PCDHA6: variants seen among roughly 807,000 people sequenced by gnomAD.
The protein encoded by PCDHA6 is protocadherin alpha 6.
In PCDHA6, 55 loss-of-function variants were observed where a neutral mutation model predicts 60.3. That is an observed-to-expected ratio of 0.91 (90% CI 0.73 to 1.14). The LOEUF is 1.14. Ranked by LOEUF, PCDHA6 falls within the 50% of genes most tolerant of loss-of-function variation. The pLI, the probability that PCDHA6 is intolerant of heterozygous loss-of-function variation, is 0.00. For synonymous variants in PCDHA6, 652 were observed against 557.9 expected, an observed-to-expected ratio of 1.17 and a Z score of -2.38; for missense variants, 1,327 against 1,256.5, an observed-to-expected ratio of 1.06 and a Z score of -0.85.
intron 3 of PCDHA6, among the ~76,000 whole-genome samples, chr5:140,984,251 T>C (rs1164028325): frequency 6.6e-6 from 1 of 152,210 alleles, no homozygotes; most frequent in Non-Finnish European, 1.5e-5. Flanking sequence ...GTCGACCTGG[T>C]AAGCCACAAA....
intron 1 of PCDHA6, among the ~76,000 whole-genome samples, chr5:140,924,235 G>C (rs1320085802): frequency 6.6e-6 from 1 of 152,208 alleles, no homozygotes; most frequent in Non-Finnish European, 1.5e-5. Flanking sequence ...TTTATGGGCT[G>C]TTTTGCATCC....
chr5:140,830,373 G>C lies in PCDHA6; in HGVS notation c.2282G>C (p.Gly761Ala), dbSNP rs2150185640. 2 of 1,614,144 alleles carry C rather than the reference G, an allele frequency of 1.2e-6. No homozygotes were observed. Among genetic ancestry groups the C allele is most frequent in the South Asian group, 2.2e-5 (2 of 91,090 alleles). ...SQQRRQRVCS[G>A]EGPPKMDLMA... ...CAGAGGCGGCAGAGGGTGTGCTCCG[G>C]GGAGGGCCCACCCAAGATGGATCTC... Residue 761 changes from glycine (G) to alanine (A), a missense_variant, in exon 1 of 4, where the codon GGG (glycine) becomes GCG (alanine). Coordinates refer to ENST00000529310, the MANE Select transcript of PCDHA6 (RefSeq NM_018909.4).
At chr5:140,973,628 T>G (rs1005772685) in intron 1 of PCDHA6, among the ~76,000 whole-genome samples, 13 of 152,250 alleles carry the variant, frequency 8.5e-5, no homozygotes, top group Admixed American at 2.6e-4. Context: ...TTCTGTATCT[T>G]GTACACATTC....
rs2150323482 is a variant in PCDHA6 at position 140,841,819 on chromosome 5, C to A, written c.2394+11334C>A. Reference sequence around the variant, plus strand: ...CCGATGCAGATGTTGGAGCTAACTCCGTGTTAACCTACAGGCTTAGCTCTC... The same window carrying A: ...CCGATGCAGATGTTGGAGCTAACTCAGTGTTAACCTACAGGCTTAGCTCTC... On this transcript the variant is annotated intron_variant, in intron 1 of 3. Transcript: ENST00000529310. The A allele has an allele frequency of 3.1e-6, 5 of 1,613,874 alleles. No individual in the cohort carries two copies. The South Asian group carries it at 5.5e-5, about 18-fold the overall frequency.
chr5:140,950,323 A>G (rs1400315467), intron 1 of PCDHA6, among the ~76,000 whole-genome samples: 1 of 152,046 alleles, frequency 6.6e-6, no homozygotes, highest in Non-Finnish European at 1.5e-5. Context: ...TAATGCATAT[A>G]TGCTGCAGTG....
chr5:141,000,737 G>A (rs1449947824), intron 3 of PCDHA6, among the ~76,000 whole-genome samples: 21 of 149,738 alleles, frequency 1.4e-4, no homozygotes, highest in African/African-American at 5.0e-4. Context: ...CCCTATCTCT[G>A]TATATTAAAA....
At chr5:140,922,391 G>T (rs1354789717) in intron 1 of PCDHA6, among the ~76,000 whole-genome samples, 1 of 152,182 alleles carries the variant, frequency 6.6e-6, no homozygotes, top group Non-Finnish European at 1.5e-5. Context: ...AAGACTCCTT[G>T]TTTTGGATTA....
chr5:140,889,679 C>A (rs968181758), intron 1 of PCDHA6, among the ~76,000 whole-genome samples: 4 of 152,026 alleles, frequency 2.6e-5, no homozygotes, highest in Admixed American at 6.6e-5. Flanking sequence ...TTATTTTAAA[C>A]CTTTTAGTAT....
intron 3 of PCDHA6, among the ~76,000 whole-genome samples, chr5:140,992,330 C>A (rs1240004004): frequency 6.6e-6 from 1 of 152,070 alleles, no homozygotes. Context: ...TTTCTAAGAG[C>A]AAAGATGGAA....
At position 140,829,299 on chromosome 5, in the gene PCDHA6, A is replaced by C. The variant is rs17844301; in HGVS notation, c.1208A>C (p.Asn403Thr). 8.3e-4 allele frequency: 1,346 copies of C among 1,614,200 alleles called. 23 individuals carry two copies. In the East Asian group the frequency reaches 0.024, roughly 28 times the overall value. Residue 403 changes from asparagine (N) to threonine (T), a missense_variant, in exon 1 of 4, where the codon AAT becomes ACT. Transcript: ENST00000529310. ...VPFKLVSTFK[N>T]YYSLVLDSAL... Reference sequence around the variant, plus strand: ...TTCAAGCTGGTGTCCACCTTCAAGAATTACTACTCGTTGGTGCTGGACAGT... The same window carrying C: ...TTCAAGCTGGTGTCCACCTTCAAGACTTACTACTCGTTGGTGCTGGACAGT...
chr5:140,909,462 C>T (rs2074519059), intron 1 of PCDHA6, among the ~76,000 whole-genome samples: 1 of 152,212 alleles, frequency 6.6e-6, no homozygotes, highest in Non-Finnish European at 1.5e-5. Flanking sequence ...ATCCATCTGT[C>T]TTCTTCACAG....
At chr5:140,902,406 T>A (rs1166768605) in intron 1 of PCDHA6, among the ~76,000 whole-genome samples, 1 of 152,088 alleles carries the variant, frequency 6.6e-6, no homozygotes, top group Non-Finnish European at 1.5e-5. Flanking sequence ...AATACTATGT[T>A]GAATAACAGT....
chr5:140,828,619 A>G lies in PCDHA6; in HGVS notation c.528A>G (p.Glu176=). ...SILTYKLSSS[E]YFGLDVKINS... is the part of the protein sequence containing the mutation. ...TAACCTATAAACTCAGTTCTAGCGA[A>G]TACTTCGGGCTAGATGTGAAAATAA... Residue 176 remains glutamate (E), a synonymous_variant, in exon 1 of 4, where the codon GAA becomes GAG. Transcript: ENST00000529310. The G allele has an allele frequency of 6.2e-7, 1 of 1,614,222 alleles. No individual in the cohort carries two copies.
At chr5:140,993,463 CACACACACACACACACACA>C (rs1563592092) in intron 3 of PCDHA6, among the ~76,000 whole-genome samples, 163 of 7,580 alleles carry the variant, frequency 0.022, 1 homozygote, top group African/African-American at 0.091. Context: ...CTTTCTTTCT[CACACACACACACACACACA>C]CACACACACA....
At chr5:140,880,628 A>T (rs566696364) in intron 1 of PCDHA6, among the ~76,000 whole-genome samples, 46 of 152,352 alleles carry the variant, frequency 3.0e-4, no homozygotes, top group Non-Finnish European at 4.4e-5. Flanking sequence ...GGAGTTAATT[A>T]TCAATTCACT....
chr5:140,994,272 C>G (rs1400320599), intron 3 of PCDHA6, among the ~76,000 whole-genome samples: 1 of 152,168 alleles, frequency 6.6e-6, no homozygotes, highest in Non-Finnish European at 1.5e-5. Context: ...GCTAGGCTGC[C>G]TTTCTTGAGA....
chr5:140,967,074 A>C (rs1554229140), intron 1 of PCDHA6: 1 of 1,613,138 alleles, frequency 6.2e-7, no homozygotes. Flanking sequence ...TTCGTCAACG[A>C]GCGCATTGAT....
rs138889909 is a variant in PCDHA6, at chr5:140,830,388, A to G, written c.2297A>G (p.Lys766Arg). 2.8e-4 allele frequency: 444 copies of G among 1,614,182 alleles called. 2 individuals are homozygous for G. The highest frequency in any genetic ancestry group is 1.8e-3 in the Middle Eastern group (11 of 6,062). ...GTGTGCTCCGGGGAGGGCCCACCCA[A>G]GATGGATCTCATGGCCTTTAGCCCC... ...QRVCSGEGPP[K>R]MDLMAFSPSL... Residue 766 changes from lysine (K) to arginine (R), a missense_variant, in exon 1 of 4, where the codon AAG (lysine) becomes AGG (arginine). Coordinates refer to ENST00000529310, the MANE Select transcript of PCDHA6 (RefSeq NM_018909.4).
intron 1 of PCDHA6, chr5:140,864,371 G>A (rs1005201982): frequency 6.6e-5 from 10 of 152,044 alleles, no homozygotes; most frequent in South Asian, 6.2e-4. Context: ...TTCTATAATC[G>A]ATAAGTTTAT....
Sources: allele counts gnomAD v4.1 joint callset (sites outside exome capture counted in the v4.1 genomes callset), GRCh38; gene constraint gnomAD v4.1.1; transcripts MANE v1.5; gene names NCBI Gene and HGNC (gene_info 2026-07-23, HGNC 2026-07-21).